The following NUS1 variants were observed in gnomAD, a reference collection of about 807,000 sequenced individuals.
NUS1 encodes the protein dehydrodolichyl diphosphate synthase complex subunit NUS1.
For missense variants in NUS1, 292 were observed against 382.9 expected (o/e 0.76, Z 1.98); for synonymous variants, 135 against 155.2 (o/e 0.87, Z 0.97).
intron 1 of NUS1, 30 bp downstream of exon 1, chr6:117,676,115 C>T (rs1279020638): frequency 6.5e-7 from 1 of 1,549,952 alleles, no homozygotes. Context: ...TGGGGGGTGG[C>T]CGAGGCGTCT....
chr6:117,690,140 G>C (rs1773194822), intron 1 of NUS1, among the ~76,000 whole-genome samples: 1 of 152,112 alleles, frequency 6.6e-6, no homozygotes, highest in Admixed American at 6.5e-5. Flanking sequence ...AATAGCTCCT[G>C]ATATTAATCA....
At chr6:117,682,805 G>A (rs1773081652) in intron 1 of NUS1, among the ~76,000 whole-genome samples, 1 of 152,096 alleles carries the variant, frequency 6.6e-6, no homozygotes, top group Non-Finnish European at 1.5e-5. Context: ...GTGCTTAACC[G>A]TTACATTATT....
At chr6:117,698,288 G>GA (rs1327887225) in intron 3 of NUS1, among the ~76,000 whole-genome samples, 2 of 151,874 alleles carry the variant, frequency 1.3e-5, no homozygotes, top group African/African-American at 4.8e-5. Flanking sequence ...TTAGACCAAG[G>GA]AAAAAAACCA....
intron 1 of NUS1, among the ~76,000 whole-genome samples, chr6:117,686,782 A>G (rs1238106949): frequency 2.0e-5 from 3 of 152,066 alleles, no homozygotes; most frequent in Non-Finnish European, 4.4e-5. Flanking sequence ...TGATATTACT[A>G]GAGGAATTGC....
rs530651802 is a variant in NUS1, at chr6:117,703,242, T to C, written c.692-363T>C. Among the ~76,000 whole-genome samples, 6 of 152,330 alleles carry C rather than the reference T, an allele frequency of 3.9e-5. No homozygotes were observed. The South Asian group carries it at 1.2e-3, about 32-fold the overall frequency. ...AATCAAGCAGTCACACCTTTAGAAC[T>C]GTAGTAACTTTCCCAGGATTCCAAG... On this transcript the variant is annotated intron_variant, in intron 3 of 4. Coordinates refer to ENST00000368494, the MANE Select transcript of NUS1 (RefSeq NM_138459.5).
chr6:117,694,320 C>A, intron 3 of NUS1, 140 bp downstream of exon 3: 1 of 435,138 alleles, frequency 2.3e-6, no homozygotes, highest in Non-Finnish European at 3.9e-6. Context: ...TTGTTAATAC[C>A]TGTTAAATTT....
chr6:117,694,093 A>G lies in NUS1; in HGVS notation c.604A>G (p.Arg202Gly). ...SPEDGKADIVRAAQDFCQLVA... is the reference protein window; with the variant it reads ...SPEDGKADIVGAAQDFCQLVA... The stretch of plus-strand genomic sequence containing the variant: ...GGAAGATGGAAAAGCAGATATTGTA[A>G]GAGCTGCTCAGGACTTTTGCCAGTT... Residue 202 changes from arginine to glycine, a missense_variant, in exon 3 of 5, where the codon AGA becomes GGA. Transcript: ENST00000368494. The G allele has an allele frequency of 6.2e-7, 1 of 1,613,024 alleles. No homozygotes were observed. Among genetic ancestry groups the G allele is most frequent in the Non-Finnish European group, 8.5e-7 (1 of 1,179,418 alleles).
intron 3 of NUS1, among the ~76,000 whole-genome samples, chr6:117,694,621 A>G (rs942861347): frequency 6.6e-6 from 1 of 152,114 alleles, no homozygotes; most frequent in African/African-American, 2.4e-5. Flanking sequence ...ATTATGCTAT[A>G]CCAAATATAC....
At chr6:117,692,756 T>A (rs898915607) in intron 1 of NUS1, among the ~76,000 whole-genome samples, 5 of 152,122 alleles carry the variant, frequency 3.3e-5, no homozygotes, top group Non-Finnish European at 7.4e-5. Context: ...CCATAAAGAT[T>A]TTAAGTAAGT....
intron 3 of NUS1, among the ~76,000 whole-genome samples, chr6:117,694,591 C>G (rs2114687790): frequency 6.6e-6 from 1 of 152,132 alleles, no homozygotes; most frequent in Non-Finnish European, 1.5e-5. Context: ...TACCATGATT[C>G]CTTTTTAATT....
At chr6:117,678,790 G>A (rs996120831) in intron 1 of NUS1, among the ~76,000 whole-genome samples, 1 of 144,244 alleles carries the variant, frequency 6.9e-6, no homozygotes, top group African/African-American at 2.6e-5. Flanking sequence ...AAGTTCTCCT[G>A]TCTCAGCCTC....
chr6:117,689,718 C>T (rs138325584), intron 1 of NUS1, among the ~76,000 whole-genome samples: 22 of 152,190 alleles, frequency 1.4e-4, no homozygotes, highest in Admixed American at 5.2e-4. Context: ...TGTGCCACCA[C>T]GTCCAGCTAA....
At chr6:117,689,863 A>G (rs575221041) in intron 1 of NUS1, among the ~76,000 whole-genome samples, 4 of 152,304 alleles carry the variant, frequency 2.6e-5, no homozygotes, top group Admixed American at 2.0e-4. Flanking sequence ...ACTGGCACCC[A>G]GCCCATTGTT....
In NUS1 at chr6:117,675,582, G is replaced by A; in HGVS notation, c.-89G>A. On this transcript the variant is annotated 5_prime_UTR_variant, in exon 1 of 5. It removes an upstream start codon present in the reference 5' UTR. Coordinates refer to ENST00000368494, the MANE Select transcript of NUS1 (RefSeq NM_138459.5). ...GGGGGGCGGGGGGACGCGGAGCGAT[G>A]GCCCGCGCCGGCCGCAGGGGCGGAT... 2.2e-6 allele frequency: 3 copies of A among 1,370,480 alleles called. No homozygotes were observed. Among genetic ancestry groups the A allele is most frequent in the East Asian group, 2.5e-5 (1 of 40,102 alleles). 84.9% of individuals were successfully genotyped at this position (1,370,480 alleles called of 1,614,324 possible).
rs58136219 is a variant in NUS1, at chr6:117,695,193, C to CAAAAAAAAAAAAAA, written c.691+1028_691+1041dup. On this transcript the variant is annotated intron_variant, in intron 3 of 4. Transcript: ENST00000368494. ...TGGGTGACGGAGTGAGACCCTGTCT[C>CAAAAAAAAAAAAAA]AAAAAAAAAAAAAAAAAAAAAAAAA... Among the ~76,000 whole-genome samples the CAAAAAAAAAAAAAA allele has an allele frequency of 2.5e-4, 14 of 55,232 alleles. 1 individual carries two copies. The highest frequency in any genetic ancestry group is 6.6e-4 in the Admixed American group (2 of 3,052). 36.2% of individuals were successfully genotyped at this position (55,232 alleles called of 152,430 possible). A position where few individuals can be genotyped will look rare whatever the true frequency, so the allele number is the denominator to read the frequency against.
intron 4 of NUS1, among the ~76,000 whole-genome samples, chr6:117,705,476 A>G (rs192858017): frequency 6.6e-6 from 1 of 152,310 alleles, no homozygotes; most frequent in Admixed American, 6.5e-5. Context: ...AATGGACAAG[A>G]TATGAAGCAC....
intron 3 of NUS1, among the ~76,000 whole-genome samples, chr6:117,697,526 A>C (rs13211800): frequency 6.6e-6 from 1 of 152,114 alleles, no homozygotes; most frequent in African/African-American, 2.4e-5. Context: ...CAGACAAAAG[A>C]TATTTCAAGA....
chr6:117,688,103 G>A (rs1773165943), intron 1 of NUS1, among the ~76,000 whole-genome samples: 1 of 152,206 alleles, frequency 6.6e-6, no homozygotes, highest in African/African-American at 2.4e-5. Context: ...TGCACCTGTA[G>A]TCCCAGCTAC....
At position 117,707,048 on chromosome 6, in the gene NUS1, T is replaced by C. The variant is rs201923773; in HGVS notation, c.*33T>C. ...TGGTTGCATAATTTGATTTGAGGCT[T>C]GTGGAGGAAAGGAACCAAGTGACTC... On this transcript the variant is annotated 3_prime_UTR_variant, in exon 5 of 5. Coordinates refer to ENST00000368494, the MANE Select transcript of NUS1 (RefSeq NM_138459.5). The C allele has an allele frequency of 6.3e-7, 1 of 1,591,680 alleles. No homozygotes were observed. Among genetic ancestry groups the C allele is most frequent in the East Asian group, 2.2e-5 (1 of 44,712 alleles).
Sources: gnomAD v4.1 joint callset for allele counts (sites outside exome capture counted in the v4.1 genomes callset) on GRCh38, gnomAD v4.1.1 for gene constraint, MANE v1.5 for transcripts, NCBI Gene and HGNC (gene_info 2026-07-23, HGNC 2026-07-21) for gene names.